SMG1: variants seen among roughly 807,000 people sequenced by gnomAD.
SMG1 encodes serine/threonine-protein kinase SMG1.
In SMG1, 22 loss-of-function variants were observed where a neutral mutation model predicts 419.9. The ratio of observed to expected loss-of-function variants is 0.05; its 90% confidence interval spans 0.04 to 0.07. SMG1 has a LOEUF of 0.07. SMG1 is among the 10% of genes least tolerant of loss of function. The pLI is 1.00. For synonymous variants in SMG1, 1,538 were observed against 1,553.5 expected (o/e 0.99, Z 0.23); for missense variants, 3,185 against 4,342.0 (o/e 0.73, Z 7.49).
chr16:18,815,477 T>G lies in SMG1; in HGVS notation c.10477A>C (p.Thr3493Pro). The G allele has an allele frequency of 6.2e-7, 1 of 1,613,950 alleles. No individual in the cohort carries two copies. The highest frequency in any genetic ancestry group is 1.1e-5 in the South Asian group (1 of 91,086). Residue 3493 changes from threonine to proline, a missense_variant, in exon 59 of 63, where the codon ACT (threonine) becomes CCT (proline). This residue lies in a region of SMG1 where 737 missense variants were observed against 846.6 expected (regional missense o/e 0.87). Transcript: ENST00000446231. ...GTTTTCAGTTCTTTCAAGGTGGGAG[T>G]GATTTCCTGGAGCATTTCAACGTGT... is the stretch of plus-strand genomic sequence containing the variant. ...QEHVEMLQEI[T>P]PTLKELKTQS...
chr16:18,914,670 A>C (rs1039185622), intron 1 of SMG1, among the ~76,000 whole-genome samples: 2 of 152,014 alleles, frequency 1.3e-5, no homozygotes, highest in African/African-American at 2.4e-5. Flanking sequence ...GATGACAAAT[A>C]AAATAAAATA....
Position 18,844,570 on chromosome 16 carries a change from T to TCACA in SMG1, c.6219+855_6219+858dup, listed in dbSNP as rs56381713. Among the ~76,000 whole-genome samples, 17 of 88,544 alleles carry TCACA rather than the reference T, an allele frequency of 1.9e-4. 1 individual carries two copies. Among genetic ancestry groups the TCACA allele is most frequent in the African/African-American group, 6.9e-4 (12 of 17,460 alleles). 58.1% of individuals were successfully genotyped at this position (88,544 alleles called of 152,430 possible). On this transcript the variant is annotated intron_variant, in intron 39 of 62. Coordinates refer to ENST00000446231, the MANE Select transcript of SMG1 (RefSeq NM_015092.5). ...ACACATAATAAACTTCATCCTTCTC[T>TCACA]CACACACACACACGGAAACTCGAGT...
intron 1 of SMG1, 36 bp downstream of exon 1, chr16:18,925,914 G>A (rs748301165): frequency 1.4e-6 from 2 of 1,473,154 alleles, no homozygotes; most frequent in Admixed American, 2.1e-5. Context: ...GGCGGAGCCC[G>A]GGAGGTCGGG....
chr16:18,812,300 CCAGA>C (rs1453265597), intron 60 of SMG1, 173 bp from the exon 61 acceptor site: 1 of 590,414 alleles, frequency 1.7e-6, no homozygotes, highest in Non-Finnish European at 2.8e-6. Context: ...CTAAAAACAG[CCAGA>C]CATTCAGGTA....
chr16:18,866,591 C>T (rs772934930), intron 23 of SMG1, 30 bp downstream of exon 23: 5 of 1,565,182 alleles, frequency 3.2e-6, no homozygotes, highest in Non-Finnish European at 4.3e-6. Flanking sequence ...TAAAGTAATT[C>T]TATCACCCAT....
In SMG1 at chr16:18,839,552, T is replaced by G; in HGVS notation, c.6945+146A>C. On this transcript the variant is annotated intron_variant, in intron 42 of 62. Transcript: ENST00000446231. ...ACAGTCATGTTCATGCCTTTATAAC[T>G]GTAATATTAAACTCAAATATACGTC... 3.9e-6 allele frequency: 4 copies of G among 1,016,870 alleles called. No homozygotes were observed. In the East Asian group the frequency reaches 9.7e-5, roughly 25 times the overall value. The allele number at this position is 1,016,870 out of a possible 1,614,324, so 63.0% of individuals were successfully genotyped here.
intron 25 of SMG1, among the ~76,000 whole-genome samples, chr16:18,862,350 C>T (rs148738731): frequency 2.0e-5 from 3 of 152,164 alleles, no homozygotes; most frequent in Non-Finnish European, 4.4e-5. Context: ...TCTTCACTCA[C>T]TATTCTTCAG....
chr16:18,859,415 A>T, intron 27 of SMG1, 141 bp downstream of exon 27: 5 of 680,666 alleles, frequency 7.3e-6, no homozygotes, highest in Non-Finnish European at 1.2e-5. Flanking sequence ...TTCATATATC[A>T]TATGACTTCT....
rs992115900 is a variant in SMG1, at chr16:18,808,151, A to G, written c.*1418T>C. ...TCTGGGTTTTTATTTTGGATCAGCA[A>G]TTTAGCTTACACAGTCAGTACTGAA... On this transcript the variant is annotated 3_prime_UTR_variant, in exon 63 of 63. Coordinates refer to ENST00000446231, the MANE Select transcript of SMG1 (RefSeq NM_015092.5). 4.6e-5 allele frequency: 7 copies of G among 152,126 alleles called. No homozygotes were observed. Among genetic ancestry groups the G allele is most frequent in the African/African-American group, 1.7e-4 (7 of 41,384 alleles). 9.4% of individuals were successfully genotyped at this position (152,126 alleles called of 1,614,324 possible).
chr16:18,863,505 C>T (rs1241713268), intron 25 of SMG1, 145 bp downstream of exon 25: 4 of 735,376 alleles, frequency 5.4e-6, no homozygotes, highest in African/African-American at 3.5e-5. Flanking sequence ...CGTCAGTTTC[C>T]TGTTGTCATT....
Position 18,836,157 on chromosome 16 carries a change from G to A in SMG1, c.7833C>T (p.His2611=). The A allele has an allele frequency of 6.2e-7, 1 of 1,611,682 alleles. No individual in the cohort carries two copies. Among genetic ancestry groups the A allele is most frequent in the East Asian group, 2.2e-5 (1 of 44,802 alleles). ...TAFLQNAGQA[H]LISQCEQLEG... is the part of the protein sequence containing the mutation. ...CCAGCTGCTCGCACTGGCTAATCAA[G>A]TGGGCCTGACCAGCATTCTGCAGAA... Residue 2611 remains histidine, a synonymous_variant, in exon 48 of 63, where the codon CAC becomes CAT. Coordinates refer to ENST00000446231, the MANE Select transcript of SMG1 (RefSeq NM_015092.5).
chr16:18,888,003 C>CA (rs1243363253), intron 6 of SMG1, among the ~76,000 whole-genome samples: 2 of 150,528 alleles, frequency 1.3e-5, no homozygotes, highest in Non-Finnish European at 1.5e-5. Context: ...CCATCTCTAT[C>CA]AAAAATACAA....
At chr16:18,904,300 A>C (rs1377956364) in intron 1 of SMG1, among the ~76,000 whole-genome samples, 1 of 151,436 alleles carries the variant, frequency 6.6e-6, no homozygotes, top group Non-Finnish European at 1.5e-5. Context: ...TCAACATATG[A>C]GCACTCTCAA....
intron 26 of SMG1, 115 bp downstream of exon 26, chr16:18,860,552 T>A: frequency 1.6e-6 from 1 of 612,786 alleles, no homozygotes; most frequent in Non-Finnish European, 2.9e-6. Context: ...TCACATGGGA[T>A]TCTGCCCCCA....
At position 18,809,338 on chromosome 16, in the gene SMG1, C is replaced by T. The variant is rs1013299147; in HGVS notation, c.*231G>A. 4 of 516,858 alleles carry T rather than the reference C, an allele frequency of 7.7e-6. No individual in the cohort carries two copies. Among genetic ancestry groups the T allele is most frequent in the Non-Finnish European group, 1.4e-5 (4 of 276,842 alleles). The allele number at this position is 516,858 out of a possible 1,614,324, so 32.0% of individuals were successfully genotyped here. On this transcript the variant is annotated 3_prime_UTR_variant, in exon 63 of 63. Transcript: ENST00000446231. ...TCTCCGTGTTCAGGCGGTGAGCTTG[C>T]TTTCCTTCACCCTTGACCCTGGGGT...
At position 18,864,035 on chromosome 16, in the gene SMG1, G is replaced by A. The variant is rs756418730; in HGVS notation, c.3460C>T (p.Arg1154Cys). 2.7e-5 allele frequency: 42 copies of A among 1,549,856 alleles called. No individual in the cohort carries two copies. The highest frequency in any genetic ancestry group is 9.8e-5 in the East Asian group (4 of 40,954). The change falls in exon 24 of 63, where the codon CGT becomes TGT. Residue 1154 changes from arginine to cysteine, a missense_variant. By Grantham distance (180) the Arg-to-Cys change is radical. This residue lies in a region of SMG1 where 121 missense variants were observed against 125.4 expected (regional missense o/e 0.96). Coordinates refer to ENST00000446231, the MANE Select transcript of SMG1 (RefSeq NM_015092.5). ...KSVLTLANAG[R>C]NSASPKHSLN... ...GAATGTTTCGGGCTGGCACTGTTAC[G>A]CCCAGCATTGGCTAAGGTGAGCACC...
At chr16:18,848,869 A>G (rs940995332) in intron 36 of SMG1, among the ~76,000 whole-genome samples, 2 of 151,554 alleles carry the variant, frequency 1.3e-5, no homozygotes, top group African/African-American at 2.4e-5. Context: ...TCAGGAGTTC[A>G]AGACCAGCCT....
chr16:18,918,120 T>A (rs1301865885), intron 1 of SMG1, among the ~76,000 whole-genome samples: 1 of 151,098 alleles, frequency 6.6e-6, no homozygotes, highest in African/African-American at 2.4e-5. Context: ...ATTAGCCGGG[T>A]GTGGTGGTGC....
chr16:18,864,273 G>A, intron 23 of SMG1, 129 bp from the exon 24 acceptor site: 2 of 735,274 alleles, frequency 2.7e-6, no homozygotes, highest in South Asian at 2.2e-5. Flanking sequence ...TCAGCTCAAT[G>A]CAACCTCTGC....
Sources: gnomAD v4.1 joint callset for allele counts (sites outside exome capture counted in the v4.1 genomes callset) on GRCh38, gnomAD v4.1.1 for gene constraint, gnomAD v4.1.1 regional missense constraint, MANE v1.5 for transcripts, NCBI Gene and HGNC (gene_info 2026-07-23, HGNC 2026-07-21) for gene names.